Variants in PREX2 observed in about 807,000 individuals in gnomAD.
PREX2 encodes the protein phosphatidylinositol-3,4,5-trisphosphate dependent Rac exchange factor 2, also known as phosphatidylinositol 3,4,5-trisphosphate-dependent Rac exchanger 2 protein.
Under a neutral mutation model 203.2 loss-of-function variants are expected in PREX2, and 107 were observed. The observed-to-expected ratio is 0.53, with a 90% confidence interval of 0.45 to 0.62. The LOEUF is 0.62. PREX2 is among the 20% of genes least tolerant of loss of function. PREX2 has a pLI of 0.00. For synonymous variants in PREX2, 672 were observed against 663.6 expected (o/e 1.01, Z -0.19); for missense variants, 1,777 against 1,955.9 (o/e 0.91, Z 1.72).
At chr8:68,027,895 G>C (rs1243161350) in intron 5 of PREX2, among the ~76,000 whole-genome samples, 1 of 152,038 alleles carries the variant, frequency 6.6e-6, no homozygotes, top group Non-Finnish European at 1.5e-5. Context: ...CCTCATTATA[G>C]TAACCACAAT....
chr8:68,126,235 C>G (rs575741438), intron 30 of PREX2, among the ~76,000 whole-genome samples: 13 of 152,192 alleles, frequency 8.5e-5, no homozygotes, highest in African/African-American at 3.1e-4. Flanking sequence ...ATTTTCTAGT[C>G]TCATTTAGAA....
In PREX2 at chr8:68,201,898, C is replaced by CTAT. The variant is rs768995953; in HGVS notation, c.4604+9375_4604+9377dup. On this transcript the variant is annotated intron_variant, in intron 37 of 39. Transcript: ENST00000288368. ...ACCCAGGAAGGGAGTAAGGTAACAC[C>CTAT]TATTTTTTTTTTTTTTTTTTTTTTT... is the stretch of plus-strand genomic sequence containing the variant. 5.8e-5 allele frequency among the ~76,000 whole-genome samples: 8 copies of CTAT among 137,702 alleles called. No individual in the cohort carries two copies. The South Asian group carries it at 7.1e-4, about 12-fold the overall frequency. The allele number at this position is 137,702 out of a possible 152,430, so 90.3% of individuals were successfully genotyped here.
chr8:68,047,490 TATATATATATATATATACAC>T (rs770628123), intron 8 of PREX2, among the ~76,000 whole-genome samples: 15,166 of 115,218 alleles, frequency 0.13, 1,119 homozygotes, highest in Non-Finnish European at 0.16. Context: ...TATATATATA[TATATATATATATATATACAC>T]ATACATATAT....
intron 5 of PREX2, among the ~76,000 whole-genome samples, chr8:68,028,035 G>T (rs909346238): frequency 2.0e-5 from 3 of 152,028 alleles, no homozygotes; most frequent in Non-Finnish European, 4.4e-5. Flanking sequence ...GGCAGCCTGG[G>T]ATAGTGGTTA....
At chr8:68,038,320 G>C (rs780346912) in intron 7 of PREX2, 28 bp downstream of exon 7, 38 of 1,610,362 alleles carry the variant, frequency 2.4e-5, no homozygotes, top group South Asian at 3.3e-5. Context: ...ACACACTTCA[G>C]AAGTGGTCAC....
At chr8:68,216,287 G>C (rs889234529) in intron 37 of PREX2, among the ~76,000 whole-genome samples, 2 of 152,156 alleles carry the variant, frequency 1.3e-5, no homozygotes, top group Non-Finnish European at 2.9e-5. Context: ...TAATGAGTTA[G>C]ATTTTTCTCC....
At chr8:68,070,312 T>C (rs1809159318) in intron 13 of PREX2, among the ~76,000 whole-genome samples, 1 of 151,910 alleles carries the variant, frequency 6.6e-6, no homozygotes, top group Non-Finnish European at 1.5e-5. Context: ...CTTCTCATAA[T>C]CTTTTTTCCC....
chr8:68,197,907 A>G (rs576301394), intron 37 of PREX2, among the ~76,000 whole-genome samples: 78 of 151,900 alleles, frequency 5.1e-4, no homozygotes, highest in African/African-American at 1.8e-3. Flanking sequence ...AGTTAACTGA[A>G]CTATTAGTTT....
intron 35 of PREX2, among the ~76,000 whole-genome samples, chr8:68,158,231 CTT>C (rs1811584569): frequency 6.6e-6 from 1 of 151,422 alleles, no homozygotes; most frequent in Admixed American, 6.6e-5. Context: ...CTTTTAAAAA[CTT>C]AACAAATTAA....
intron 23 of PREX2, chr8:68,100,206 A>T (rs1330992180): frequency 4.3e-6 from 2 of 461,094 alleles, no homozygotes; most frequent in Admixed American, 4.7e-5. Flanking sequence ...AACTAAGAGA[A>T]TGAAAACTCT....
At chr8:67,991,915 C>T (rs1028818339) in intron 1 of PREX2, among the ~76,000 whole-genome samples, 1 of 152,152 alleles carries the variant, frequency 6.6e-6, no homozygotes, top group East Asian at 1.9e-4. Flanking sequence ...AACAGGAATC[C>T]TTCTCGATTT....
chr8:68,023,004 TGC>T (rs1807613963), intron 4 of PREX2, among the ~76,000 whole-genome samples: 1 of 152,224 alleles, frequency 6.6e-6, no homozygotes, highest in African/African-American at 2.4e-5. Flanking sequence ...TGTATGGATA[TGC>T]TGTATTTTGT....
At chr8:68,218,460 G>A (rs146917303) in intron 38 of PREX2, among the ~76,000 whole-genome samples, 1 of 152,058 alleles carries the variant, frequency 6.6e-6, no homozygotes, top group African/African-American at 2.4e-5. Flanking sequence ...GAAATCAAAA[G>A]ACAAATTTTA....
At position 68,091,277 on chromosome 8, in the gene PREX2, AAATTGTAGAACACT is replaced by A. The variant is rs769611667; in HGVS notation, c.2250+564_2250+577del. On this transcript the variant is annotated intron_variant, in intron 20 of 39. Transcript: ENST00000288368. ...ACCAAAATGTACTCGGCGTTATCTA[AAATTGTAGAACACT>A]ATCCTTTGATCTACAAGTGCCACAA... Among the ~76,000 whole-genome samples, 408 of 152,342 alleles carry A rather than the reference AAATTGTAGAACACT, an allele frequency of 2.7e-3. 3 individuals carry two copies. The highest frequency in any genetic ancestry group is 1.3e-3 in the Non-Finnish European group (89 of 68,026).
intron 29 of PREX2, among the ~76,000 whole-genome samples, chr8:68,120,580 C>T (rs1433108030): frequency 2.6e-5 from 4 of 152,050 alleles, no homozygotes; most frequent in African/African-American, 9.7e-5. Flanking sequence ...TTGCTGAAAC[C>T]AAGCGTAATG....
intron 39 of PREX2, among the ~76,000 whole-genome samples, chr8:68,225,657 C>T (rs1000905676): frequency 6.6e-6 from 1 of 152,110 alleles, no homozygotes; most frequent in African/African-American, 2.4e-5. Context: ...AAACTTTCCC[C>T]CTGAAAATGG....
intron 1 of PREX2, among the ~76,000 whole-genome samples, chr8:67,980,843 G>A (rs1159925150): frequency 1.3e-5 from 2 of 152,212 alleles, no homozygotes; most frequent in Non-Finnish European, 2.9e-5. Context: ...GTTTCCTGAG[G>A]CCTCCTCAGC....
At chr8:68,024,449 T>TGTTAAAGTC (rs1807657045) in intron 4 of PREX2, among the ~76,000 whole-genome samples, 1 of 152,032 alleles carries the variant, frequency 6.6e-6, no homozygotes, top group Non-Finnish European at 1.5e-5. Context: ...GCATTTCTTT[T>TGTTAAAGTC]GTTAAAGTCT....
chr8:68,176,847 A>G (rs1811989143), intron 35 of PREX2: 1 of 152,198 alleles, frequency 6.6e-6, no homozygotes, highest in African/African-American at 2.4e-5. Flanking sequence ...CTTGCATGAA[A>G]TAGCTATGCA....
Sources: allele counts gnomAD v4.1 joint callset (sites outside exome capture counted in the v4.1 genomes callset), GRCh38; gene constraint gnomAD v4.1.1; transcripts MANE v1.5; gene names NCBI Gene and HGNC (gene_info 2026-07-23, HGNC 2026-07-21).